CDH18: variants seen among roughly 807,000 people sequenced by gnomAD.
CDH18 encodes cadherin 18.
A neutral mutation model predicts 67.9 loss-of-function variants in CDH18; 31 were observed. The ratio of observed to expected loss-of-function variants is 0.46; its 90% CI spans 0.34 to 0.62. CDH18 has a LOEUF of 0.62. CDH18 is among the 20% of genes least tolerant of loss of function. The pLI, the probability that CDH18 is intolerant of heterozygous loss-of-function variation, is 0.01. For synonymous variants in CDH18, 362 were observed against 347.2 expected, an observed-to-expected ratio of 1.04 and a Z score of -0.48; for missense variants, 890 against 975.5, an observed-to-expected ratio of 0.91 and a Z score of 1.17.
intron 2 of CDH18, among the ~76,000 whole-genome samples, chr5:20,194,145 G>C (rs554168915): frequency 2.6e-5 from 4 of 151,970 alleles, no homozygotes; most frequent in African/African-American, 7.2e-5. Context: ...AGAAATAAAG[G>C]GTATTCAAAT....
rs115285752 is a variant in CDH18, at chr5:20,108,530, A to T, written c.-517-116516T>A. 5.2e-3 allele frequency among the ~76,000 whole-genome samples: 781 copies of T among 149,360 alleles called. 8 individuals are homozygous for T. The highest frequency in any genetic ancestry group is 0.018 in the African/African-American group (747 of 40,742). On this transcript the variant is annotated intron_variant, in intron 2 of 14. Coordinates refer to the CDH18 transcript ENST00000507958. ...TGTCAAAACAGTCACTGAATTTCCCATTTTTTTTTTCTAAGTCTTCCTCTA... is the reference window on the plus strand; with the variant it reads ...TGTCAAAACAGTCACTGAATTTCCCTTTTTTTTTTTCTAAGTCTTCCTCTA...
intron 7 of CDH18, among the ~76,000 whole-genome samples, chr5:19,581,900 A>G (rs1406878159): frequency 6.6e-6 from 1 of 152,046 alleles, no homozygotes; most frequent in East Asian, 1.9e-4. Flanking sequence ...CCCTTGTCAG[A>G]GGTCTGGCCT....
chr5:20,163,699 G>A lies in CDH18; in HGVS notation c.-518+91745C>T, dbSNP rs143628881. On this transcript the variant is annotated intron_variant, in intron 2 of 14. Coordinates refer to the CDH18 transcript ENST00000507958. Reference sequence around the variant, plus strand: ...GTAGAGAAAGCTAATATTGGGTAACGAGAAAGAAGTGAGTATGAAGGTTAA... The same window carrying A: ...GTAGAGAAAGCTAATATTGGGTAACAAGAAAGAAGTGAGTATGAAGGTTAA... 2.4e-4 allele frequency among the ~76,000 whole-genome samples: 37 copies of A among 152,262 alleles called. No individual in the cohort carries two copies. In the East Asian group the frequency reaches 6.8e-3, roughly 28 times the overall value.
chr5:19,851,449 C>G (rs1284182191), intron 2 of CDH18, among the ~76,000 whole-genome samples: 1 of 141,356 alleles, frequency 7.1e-6, no homozygotes, highest in African/African-American at 2.5e-5. Flanking sequence ...CCAAAAAACC[C>G]AAAATTCCCT....
chr5:20,390,292 GA>G (rs1744726086), intron 1 of CDH18, among the ~76,000 whole-genome samples: 2 of 142,436 alleles, frequency 1.4e-5, no homozygotes, highest in Admixed American at 6.9e-5. Flanking sequence ...AAATTTACAA[GA>G]AAAAAACAAA....
chr5:20,244,517 C>A (rs190392270), intron 2 of CDH18, among the ~76,000 whole-genome samples: 46 of 152,150 alleles, frequency 3.0e-4, no homozygotes, highest in Non-Finnish European at 5.0e-4. Flanking sequence ...TATATTTGAA[C>A]AAACCCTCCT....
chr5:19,478,422 T>C (rs56316038), intron 12 of CDH18: 5 of 152,102 alleles, frequency 3.3e-5, no homozygotes, highest in Non-Finnish European at 7.4e-5. Context: ...GGGAGTGGCA[T>C]CTCTCTCTGA....
intron 8 of CDH18, among the ~76,000 whole-genome samples, chr5:19,557,380 C>T (rs1738628305): frequency 6.6e-6 from 1 of 152,008 alleles, no homozygotes; most frequent in African/African-American, 2.4e-5. Context: ...CAAGTATCTG[C>T]TGTCTTCAAG....
chr5:20,501,717 TTGTGTGTGTGTGTGTGTG>T (rs1170488048), intron 1 of CDH18, among the ~76,000 whole-genome samples: 3 of 121,248 alleles, frequency 2.5e-5, no homozygotes, highest in East Asian at 2.5e-4. Flanking sequence ...TCTTAAGGAT[TTGTGTGTGTGTGTGTGTG>T]TGTGTGTGTG....
chr5:19,619,688 AG>A (rs1750392342), intron 5 of CDH18, among the ~76,000 whole-genome samples: 1 of 152,204 alleles, frequency 6.6e-6, no homozygotes, highest in African/African-American at 2.4e-5. Flanking sequence ...AGTGGCTGAA[AG>A]TTTAAATAAT....
In CDH18 at chr5:19,927,584, CATATAT is replaced by C. The variant is rs1160095917; in HGVS notation, c.-257+53470_-257+53475del. 3.3e-5 allele frequency among the ~76,000 whole-genome samples: 5 copies of C among 152,076 alleles called. No individual in the cohort carries two copies. The East Asian group carries it at 9.7e-4, about 29-fold the overall frequency. On this transcript the variant is annotated intron_variant, in intron 2 of 12. Transcript: ENST00000382275. ...GATTCTGAAATAAAGTATGAAAGCACATATATATAAATTATTATGATGTATATTATT... is the reference window on the plus strand; with the variant it reads ...GATTCTGAAATAAAGTATGAAAGCACATAAATTATTATGATGTATATTATT...
At chr5:20,211,063 A>G (rs537379704) in intron 2 of CDH18, among the ~76,000 whole-genome samples, 46 of 152,280 alleles carry the variant, frequency 3.0e-4, no homozygotes, top group African/African-American at 1.1e-3. Context: ...CCACCACAAT[A>G]AAGCAAATGT....
chr5:20,153,984 C>T (rs575545030), intron 2 of CDH18, among the ~76,000 whole-genome samples: 1 of 152,258 alleles, frequency 6.6e-6, no homozygotes, highest in South Asian at 2.1e-4. Flanking sequence ...ACAGAATTAA[C>T]ACACAACCTA....
In CDH18 at chr5:19,520,777, A is replaced by G. The variant is rs1366786826; in HGVS notation, c.1392T>C (p.Asp464=). 6.2e-7 allele frequency: 1 copy of G among 1,612,756 alleles called. No individual in the cohort carries two copies. ...YNITVTASEI[D]NPDLLSHVTV... ...TGACATGGCTCAGCAAATCAGGATT[A>G]TCTGCAAAATACACAGGAATGTATT... The change falls in exon 10 of 13, where the codon GAT becomes GAC. Residue 464 remains aspartate, a splice_region_variant and synonymous_variant. Transcript: ENST00000382275.
At chr5:20,388,341 T>C (rs1053823283) in intron 1 of CDH18, among the ~76,000 whole-genome samples, 9 of 152,238 alleles carry the variant, frequency 5.9e-5, no homozygotes, top group Non-Finnish European at 1.5e-5. Context: ...CTAGATTTTC[T>C]AGTTTATTTG....
intron 2 of CDH18, among the ~76,000 whole-genome samples, chr5:19,994,847 T>TAGAGAGAGAGAGAG (rs1270960698): frequency 3.1e-5 from 1 of 32,156 alleles, no homozygotes; most frequent in African/African-American, 1.5e-4. Context: ...TATATATATA[T>TAGAGAGAGAGAGAG]ATATATATAG....
chr5:20,422,465 T>C (rs1180584177), intron 1 of CDH18, among the ~76,000 whole-genome samples: 2 of 150,984 alleles, frequency 1.3e-5, no homozygotes, highest in Non-Finnish European at 2.9e-5. Context: ...TACCTACTTA[T>C]GTGACACATT....
chr5:19,908,687 G>C (rs1442308456), intron 2 of CDH18, among the ~76,000 whole-genome samples: 1 of 152,070 alleles, frequency 6.6e-6, no homozygotes. Flanking sequence ...CAAGTTATCT[G>C]TCATATGGCC....
intron 2 of CDH18, among the ~76,000 whole-genome samples, chr5:20,254,098 T>A (rs541199089): frequency 3.9e-5 from 6 of 152,222 alleles, no homozygotes; most frequent in Non-Finnish European, 8.8e-5. Context: ...TGACACCTAT[T>A]TTTAGCATTA....
Sources: gnomAD v4.1 joint callset for allele counts (sites outside exome capture counted in the v4.1 genomes callset) on GRCh38, gnomAD v4.1.1 for gene constraint, MANE v1.5 for transcripts, NCBI Gene and HGNC (gene_info 2026-07-23, HGNC 2026-07-21) for gene names.